The following RNF150 variants were observed in gnomAD, a reference collection of about 807,000 sequenced individuals.
RNF150 encodes the protein ring finger protein 150.
In RNF150, 24 loss-of-function variants were observed where a neutral mutation model predicts 39.3. The observed-to-expected ratio is 0.61, with a 90% CI of 0.44 to 0.86. The LOEUF (loss-of-function observed/expected upper bound fraction) is 0.86, where lower values mean the gene tolerates loss of function less well. Ranked by LOEUF, RNF150 falls within the 40% of genes least tolerant of loss-of-function variation. RNF150 has a pLI of 0.00. For synonymous variants in RNF150, 255 were observed against 227.3 expected (o/e 1.12, Z -1.10); for missense variants, 502 against 587.8 (o/e 0.85, Z 1.51).
rs544048448 is a variant in RNF150 at position 141,132,922 on chromosome 4, C to T, written c.-114G>A. On this transcript the variant is annotated 5_prime_UTR_variant, in exon 1 of 7. Coordinates refer to ENST00000515673, the MANE Select transcript of RNF150 (RefSeq NM_020724.2). The surrounding 1 kb of genome is among the most constrained non-coding windows in gnomAD (Gnocchi z 4.9). ...CTCTCCTCCTGCTGCTGCTCACTCC[C>T]GGGCCGGAGGGGCCGCGGCCGGGAC... The T allele has an allele frequency of 2.8e-3, 2,434 of 858,544 alleles. 76 individuals carry two copies. The South Asian group carries it at 0.041, about 15-fold the overall frequency. 53.2% of individuals were successfully genotyped at this position (858,544 alleles called of 1,614,324 possible).
chr4:141,179,134 C>A (rs10006718), intron 1 of RNF150, among the ~76,000 whole-genome samples: 1,972 of 152,238 alleles, frequency 0.013, 44 homozygotes, highest in African/African-American at 0.044. Context: ...TCCTCTCTGA[C>A]GTTCAACCAC....
intron 5 of RNF150, among the ~76,000 whole-genome samples, chr4:140,921,049 A>T (rs781772576): frequency 6.6e-6 from 1 of 150,678 alleles, no homozygotes; most frequent in Non-Finnish European, 1.5e-5. Flanking sequence ...GCGTGGGAGG[A>T]GGGATAGCAT....
At chr4:141,091,596 C>G (rs1738583383) in intron 1 of RNF150, among the ~76,000 whole-genome samples, 1 of 152,128 alleles carries the variant, frequency 6.6e-6, no homozygotes, top group African/African-American at 2.4e-5. Flanking sequence ...TGAAGGAAAG[C>G]AAACCTAAAT....
At chr4:140,937,550 C>A (rs62325700) in intron 4 of RNF150, among the ~76,000 whole-genome samples, 2 of 151,928 alleles carry the variant, frequency 1.3e-5, no homozygotes, top group African/African-American at 4.8e-5. Context: ...CGTGAGCCAC[C>A]GCATCCAGCC....
intron 1 of RNF150, among the ~76,000 whole-genome samples, chr4:141,112,070 AACATCAT>A (rs900157910): frequency 5.3e-5 from 8 of 152,182 alleles, no homozygotes; most frequent in African/African-American, 1.9e-4. Flanking sequence ...ATTCTCTGAG[AACATCAT>A]CATTTTTGAC....
chr4:141,193,146 T>C (rs1560774586), intron 1 of RNF150, among the ~76,000 whole-genome samples: 1 of 152,246 alleles, frequency 6.6e-6, no homozygotes, highest in South Asian at 2.1e-4. Flanking sequence ...CTGTCTCCCA[T>C]GTAATGTAAT....
intron 1 of RNF150, among the ~76,000 whole-genome samples, chr4:141,107,049 G>A (rs890576556): frequency 6.6e-6 from 1 of 151,946 alleles, no homozygotes; most frequent in Non-Finnish European, 1.5e-5. Flanking sequence ...CCAAATTGAG[G>A]ATAAATATAA....
intron 6 of RNF150, among the ~76,000 whole-genome samples, chr4:140,887,107 T>C (rs1463029318): frequency 6.6e-6 from 1 of 152,182 alleles, no homozygotes; most frequent in Non-Finnish European, 1.5e-5. Flanking sequence ...GGCAATGGTA[T>C]TAGAAAGATA....
At chr4:141,050,633 A>G (rs1242852195) in intron 1 of RNF150, among the ~76,000 whole-genome samples, 1 of 152,204 alleles carries the variant, frequency 6.6e-6, no homozygotes, top group South Asian at 2.1e-4. Context: ...TAAAGCTCCA[A>G]AATGATCTCC....
At chr4:140,898,881 T>C (rs1330367496) in intron 6 of RNF150, among the ~76,000 whole-genome samples, 1 of 152,222 alleles carries the variant, frequency 6.6e-6, no homozygotes, top group Non-Finnish European at 1.5e-5. Context: ...GCCAATACTT[T>C]CTTGTGCTGA....
At chr4:140,999,566 G>A (rs1388808318) in intron 1 of RNF150, among the ~76,000 whole-genome samples, 2 of 152,134 alleles carry the variant, frequency 1.3e-5, no homozygotes, top group African/African-American at 2.4e-5. Flanking sequence ...TGGGGCACAT[G>A]GTTTCAAAAG....
intron 1 of RNF150, among the ~76,000 whole-genome samples, chr4:140,999,987 AGAAG>A (rs1734553546): frequency 3.3e-5 from 1 of 30,752 alleles, no homozygotes; most frequent in East Asian, 9.2e-4. Context: ...AAAGAAGAAA[AGAAG>A]AAAAGAAGAA....
At chr4:141,044,949 G>T (rs1002057039) in intron 1 of RNF150, among the ~76,000 whole-genome samples, 9 of 152,168 alleles carry the variant, frequency 5.9e-5, no homozygotes. Flanking sequence ...TTTCTTTACG[G>T]AGTATTTACC....
At chr4:141,162,252 AT>A in intron 1 of RNF150, among the ~76,000 whole-genome samples, 1 of 152,180 alleles carries the variant, frequency 6.6e-6, no homozygotes, top group East Asian at 1.9e-4. Flanking sequence ...AAAGGAGATT[AT>A]TTTGGATCTT....
chr4:140,891,850 G>A (rs1455100840), intron 6 of RNF150, among the ~76,000 whole-genome samples: 1 of 152,106 alleles, frequency 6.6e-6, no homozygotes, highest in Non-Finnish European at 1.5e-5. Flanking sequence ...ATTCTCATAG[G>A]AGCAGGAACC....
chr4:140,937,204 G>C (rs1192404916), intron 4 of RNF150, among the ~76,000 whole-genome samples: 2 of 152,172 alleles, frequency 1.3e-5, no homozygotes, highest in East Asian at 3.8e-4. Flanking sequence ...TTGGAGGGTA[G>C]TTAAATAAAC....
intron 1 of RNF150, among the ~76,000 whole-genome samples, chr4:141,129,533 G>A (rs964794407): frequency 6.6e-6 from 1 of 152,212 alleles, no homozygotes; most frequent in Non-Finnish European, 1.5e-5. Context: ...GAACTAGATA[G>A]TGATGATGGC....
intron 1 of RNF150, among the ~76,000 whole-genome samples, chr4:140,995,882 G>A (rs907911404): frequency 1.1e-4 from 17 of 152,016 alleles, no homozygotes; most frequent in African/African-American, 4.1e-4. Flanking sequence ...GTTTGTTGAT[G>A]AACACTTAGG....
intron 1 of RNF150, among the ~76,000 whole-genome samples, chr4:141,182,014 A>C (rs1300714504): frequency 6.6e-6 from 1 of 152,156 alleles, no homozygotes; most frequent in African/African-American, 2.4e-5. Flanking sequence ...TGATTTTCCC[A>C]GGATTTAGAT....
Sources: gnomAD v4.1 joint callset for allele counts (sites outside exome capture counted in the v4.1 genomes callset) on GRCh38, gnomAD v4.1.1 for gene constraint, Gnocchi (gnomAD v3.1) non-coding constraint, MANE v1.5 for transcripts, NCBI Gene and HGNC (gene_info 2026-07-23, HGNC 2026-07-21) for gene names.